TMEM235: variants seen among roughly 807,000 people sequenced by gnomAD.
TMEM235 encodes the protein claudin-27.
A neutral mutation model predicts 22.9 loss-of-function variants in TMEM235; 23 were observed. The ratio of observed to expected loss-of-function variants is 1.00; its 90% confidence interval spans 0.72 to 1.42. The LOEUF is 1.42. Ranked by LOEUF, TMEM235 falls within the 40% of genes most tolerant of loss-of-function variation. The pLI, the probability that TMEM235 is intolerant of heterozygous loss-of-function variation, is 0.00. For missense variants in TMEM235, 308 were observed against 299.5 expected, an observed-to-expected ratio of 1.03 and a Z score of -0.21; for synonymous variants, 137 against 140.5, an observed-to-expected ratio of 0.98 and a Z score of 0.17.
rs1195472143 is a variant in TMEM235, at chr17:78,238,886, G to C, written c.410-138G>C. On this transcript the variant is annotated intron_variant, in intron 4 of 5. Coordinates refer to ENST00000421688, the Ensembl canonical transcript of TMEM235. The surrounding 1 kb of genome is among the most constrained non-coding windows in gnomAD (Gnocchi z 4.3). ...CAGCCAGGCAGGGCTAACCATGACA[G>C]GAAGGGCGGTGTGCTGCCTGCAGCT... 1 of 1,338,510 alleles carries C rather than the reference G, an allele frequency of 7.5e-7. No homozygotes were observed. 82.9% of individuals were successfully genotyped at this position (1,338,510 alleles called of 1,614,324 possible).
At chr17:78,233,861 C>G (rs1026426407) in intron 2 of TMEM235, 34 bp from the exon 2 acceptor site, 1 of 1,532,876 alleles carries the variant, frequency 6.5e-7, no homozygotes, top group Non-Finnish European at 8.7e-7. Context: ...ACCACAGCGT[C>G]CAGGCCCCAG....
chr17:78,236,841 G>C (rs1599044983), intron 4 of TMEM235, among the ~76,000 whole-genome samples: 1 of 152,204 alleles, frequency 6.6e-6, no homozygotes, highest in Non-Finnish European at 1.5e-5. Flanking sequence ...CAGCAGCCTT[G>C]GTATTGGTCA....
chr17:78,240,224 C>T (rs1264921066), exon 6 of TMEM235: 3 of 474,940 alleles, frequency 6.3e-6, no homozygotes, highest in African/African-American at 4.0e-5. Context: ...GGGTGTCATG[C>T]CATGGTGGAG....
chr17:78,231,387 T>G (rs1347712831), intron 1 of TMEM235: 1 of 1,261,410 alleles, frequency 7.9e-7, no homozygotes, highest in Non-Finnish European at 1.0e-6. Flanking sequence ...GAGGGGGCAT[T>G]TGTAATTATG....
exon 2 of TMEM235, chr17:78,231,973 G>A: frequency 1.3e-6 from 1 of 780,704 alleles, no homozygotes; most frequent in Non-Finnish European, 1.5e-6. Flanking sequence ...GCCCCCCGCC[G>A]CCCCCGGGGC....
At chr17:78,236,244 G>A (rs1004942076) in intron 4 of TMEM235, among the ~76,000 whole-genome samples, 3 of 151,942 alleles carry the variant, frequency 2.0e-5, no homozygotes, top group Admixed American at 1.3e-4. Context: ...GGGGGGGCCT[G>A]GGGCCAGCCC....
chr17:78,231,709 G>T lies in TMEM235; in HGVS notation c.-315G>T, dbSNP rs190468765. Reference sequence around the variant, plus strand: ...CGGGGGTTCAGGGAAATTAAGGAACGTGCCCAGGGACCCGGGGCCAGCCCG... The same window carrying T: ...CGGGGGTTCAGGGAAATTAAGGAACTTGCCCAGGGACCCGGGGCCAGCCCG... On this transcript the variant is annotated 5_prime_UTR_variant, in exon 2 of 6. Transcript: ENST00000421688. 4.7e-6 allele frequency: 6 copies of T among 1,270,202 alleles called. No homozygotes were observed. The African/African-American group carries it at 6.2e-5, about 13-fold the overall frequency. The allele number at this position is 1,270,202 out of a possible 1,614,324, so 78.7% of individuals were successfully genotyped here. A position where few individuals can be genotyped will look rare whatever the true frequency, so the allele number is the denominator to read the frequency against.
rs914272035 is a variant in TMEM235, at chr17:78,238,319, G to C, written c.410-705G>C. 3.3e-5 allele frequency among the ~76,000 whole-genome samples: 5 copies of C among 152,128 alleles called. No individual in the cohort carries two copies. The highest frequency in any genetic ancestry group is 7.4e-5 in the Non-Finnish European group (5 of 68,022). On this transcript the variant is annotated intron_variant, in intron 4 of 5. Coordinates refer to ENST00000421688, the Ensembl canonical transcript of TMEM235. This position sits in a 1 kb window ranked among gnomAD's most constrained non-coding sequence, Gnocchi z 4.3. ...GACAACAGCTTTGACCATGTGGAGAGCGGGAGGGAGGAGAGAGGAGGGCCC... is the reference window on the plus strand; with the variant it reads ...GACAACAGCTTTGACCATGTGGAGACCGGGAGGGAGGAGAGAGGAGGGCCC...
At chr17:78,239,330 G>A (rs2076683516) in intron 5 of TMEM235, 57 bp downstream of exon 4, 2 of 1,491,852 alleles carry the variant, frequency 1.3e-6, no homozygotes, top group Admixed American at 4.3e-5. Context: ...TCAGGGCCAG[G>A]GCCCCTTGAG....
At position 78,232,766 on chromosome 17, in the gene TMEM235, G is replaced by A. The variant is rs146277898; in HGVS notation, c.190+553G>A. ...CCTCCTCCGGAGCTGGGGCCAGCCTGGGGAGCTTCCCCTTCACAGCGCGAG... is the reference window on the plus strand; with the variant it reads ...CCTCCTCCGGAGCTGGGGCCAGCCTAGGGAGCTTCCCCTTCACAGCGCGAG... On this transcript the variant is annotated intron_variant, in intron 2 of 5. Transcript: ENST00000421688. Among the ~76,000 whole-genome samples, 13 of 149,672 alleles carry A rather than the reference G, an allele frequency of 8.7e-5. 1 individual carries two copies. In the East Asian group the frequency reaches 2.3e-3, roughly 27 times the overall value.
chr17:78,236,542 G>A (rs1599044694), intron 4 of TMEM235, among the ~76,000 whole-genome samples: 1 of 152,250 alleles, frequency 6.6e-6, no homozygotes, highest in Non-Finnish European at 1.5e-5. Flanking sequence ...GGAGAGGGCC[G>A]AGGGCCTGGG....
chr17:78,239,295 C>T (rs1379929852), intron 5 of TMEM235, 22 bp downstream of exon 4: 2 of 1,532,434 alleles, frequency 1.3e-6, no homozygotes, highest in East Asian at 2.4e-5. Context: ...CTGGGTTTCC[C>T]TTTGCACCTC....
At position 78,238,929 on chromosome 17, in the gene TMEM235, G is replaced by A. The variant is rs1041163337; in HGVS notation, c.410-95G>A. 4.1e-6 allele frequency: 6 copies of A among 1,457,972 alleles called. No homozygotes were observed. In the Admixed American group the frequency reaches 6.6e-5, roughly 16 times the overall value. The allele number at this position is 1,457,972 out of a possible 1,614,324, so 90.3% of individuals were successfully genotyped here. A position where few individuals can be genotyped will look rare whatever the true frequency, so the allele number is the denominator to read the frequency against. On this transcript the variant is annotated intron_variant, in intron 4 of 5. Coordinates refer to ENST00000421688, the Ensembl canonical transcript of TMEM235. This position sits in a 1 kb window ranked among gnomAD's most constrained non-coding sequence, Gnocchi z 4.3. ...CTGCAGCTCTGCCTGAATGCTAGCG[G>A]GGCCGGGGATGCTGAGGCCATGTCT...
Position 78,240,008 on chromosome 17 carries a change from G to A in TMEM235, c.*216G>A, listed in dbSNP as rs1244115712. On this transcript the variant is annotated 3_prime_UTR_variant, in exon 6 of 6. Coordinates refer to ENST00000421688, the Ensembl canonical transcript of TMEM235. ...GATGTACCCCTCTGCCCCCTCCCTT[G>A]TTCTCAAGCCTGCTAGGTACTTTTC... is the stretch of plus-strand genomic sequence containing the variant. 3.3e-6 allele frequency: 5 copies of A among 1,532,790 alleles called. No homozygotes were observed. The East Asian group carries it at 9.9e-5, about 30-fold the overall frequency. 94.9% of individuals were successfully genotyped at this position (1,532,790 alleles called of 1,614,324 possible).
Position 78,237,349 on chromosome 17 carries a change from G to A in TMEM235, c.410-1675G>A, listed in dbSNP as rs557494268. Among the ~76,000 whole-genome samples, 12 of 152,280 alleles carry A rather than the reference G, an allele frequency of 7.9e-5. No homozygotes were observed. Among genetic ancestry groups the A allele is most frequent in the African/African-American group, 1.4e-4 (6 of 41,570 alleles). On this transcript the variant is annotated intron_variant, in intron 4 of 5. Coordinates refer to ENST00000421688, the Ensembl canonical transcript of TMEM235. This position sits in a 1 kb window ranked among gnomAD's most constrained non-coding sequence, Gnocchi z 4.7. ...AGGATCTTGGGGGGCCTGGGGGACCGACAGGGCCCACGGTGACAGAGTCCT... is the reference window on the plus strand; with the variant it reads ...AGGATCTTGGGGGGCCTGGGGGACCAACAGGGCCCACGGTGACAGAGTCCT...
rs1229493467 is a variant in TMEM235 at position 78,233,920 on chromosome 17, C to T, written c.216C>T (p.Val72=). The T allele has an allele frequency of 5.9e-6, 9 of 1,535,916 alleles. No homozygotes were observed. In the South Asian group the frequency reaches 5.9e-5, roughly 10 times the overall value. Residue 72 remains valine, a synonymous_variant, in exon 3 of 6, where the codon GTC becomes GTT. Transcript: ENST00000421688. The stretch of plus-strand genomic sequence containing the variant: ...GGCAGAACGGCTGCATCCCGCTGGT[C>T]GACCCTTTTGCCAGTGAGAGCCTGG...
rs1419874043 is a variant in TMEM235, at chr17:78,237,618, G to GGCTGCA, written c.410-1397_410-1392dup. 1.3e-5 allele frequency among the ~76,000 whole-genome samples: 2 copies of GGCTGCA among 151,934 alleles called. No homozygotes were observed. Among genetic ancestry groups the GGCTGCA allele is most frequent in the African/African-American group, 4.8e-5 (2 of 41,372 alleles). ...CGGCCTGCCAGGAAGTGGGGCCTTG[G>GGCTGCA]GCTGCAGCTGCAGCCAGTGCTACAG... On this transcript the variant is annotated intron_variant, in intron 4 of 5. Transcript: ENST00000421688. This position sits in a 1 kb window ranked among gnomAD's most constrained non-coding sequence, Gnocchi z 4.7.
chr17:78,239,107 C>T lies in TMEM235; in HGVS notation c.493C>T (p.Gln165Ter). Reference sequence around the variant, plus strand: ...GGAGACGGTGCAGCAGTATGGCCCGCAGCACATGCAGGGCGTCCGCGTCAG... The same window carrying T: ...GGAGACGGTGCAGCAGTATGGCCCGTAGCACATGCAGGGCGTCCGCGTCAG... Residue 165 changes from glutamine (Q) to a stop codon, truncating the protein, a stop_gained, in exon 5 of 6, where the codon CAG becomes TAG. Coordinates refer to ENST00000421688, the Ensembl canonical transcript of TMEM235. LOFTEE classifies it high-confidence loss of function. 6.5e-7 allele frequency: 1 copy of T among 1,544,032 alleles called. No homozygotes were observed. Among genetic ancestry groups the T allele is most frequent in the Non-Finnish European group, 8.7e-7 (1 of 1,146,942 alleles).
At chr17:78,235,481 C>G (rs1266953247) in intron 4 of TMEM235, among the ~76,000 whole-genome samples, 1 of 151,420 alleles carries the variant, frequency 6.6e-6, no homozygotes, top group Non-Finnish European at 1.5e-5. Flanking sequence ...GAGACGGGGT[C>G]TCTCCATGCT....
Sources: allele counts gnomAD v4.1 joint callset (sites outside exome capture counted in the v4.1 genomes callset), GRCh38; gene constraint gnomAD v4.1.1; non-coding constraint Gnocchi (gnomAD v3.1); transcripts MANE v1.5; gene names NCBI Gene and HGNC (gene_info 2026-07-23, HGNC 2026-07-21).